FMNL2: variants seen among roughly 807,000 people sequenced by gnomAD.
The protein encoded by FMNL2 is formin like 2, also known as formin-like protein 2.
FMNL2 carries 51 observed loss-of-function variants against 130.2 expected under a neutral mutation model. The ratio of observed to expected loss-of-function variants is 0.39; its 90% CI spans 0.31 to 0.49. The LOEUF (loss-of-function observed/expected upper bound fraction) is 0.49, where lower values mean the gene tolerates loss of function less well. Among genes scored for constraint, FMNL2 ranks in the 20% least tolerant of loss-of-function variants. The pLI is 0.85. For synonymous variants in FMNL2, 465 were observed against 467.1 expected (o/e 1.00, Z 0.06); for missense variants, 977 against 1,316.2 (o/e 0.74, Z 3.99).
intron 1 of FMNL2, among the ~76,000 whole-genome samples, chr2:152,408,807 G>A (rs4664580): frequency 0.16 from 24,286 of 151,980 alleles, 2,498 homozygotes; most frequent in African/African-American, 0.26. Flanking sequence ...TACTGAAATT[G>A]AAAAAACAGA....
chr2:152,469,163 A>G (rs1326196244), intron 1 of FMNL2, among the ~76,000 whole-genome samples: 1 of 152,188 alleles, frequency 6.6e-6, no homozygotes, highest in Non-Finnish European at 1.5e-5. Flanking sequence ...AATTAAGCAT[A>G]TGAAGCCCTC....
chr2:152,616,979 G>GAACA, intron 12 of FMNL2, 112 bp from the exon 13 acceptor site: 1 of 805,890 alleles, frequency 1.2e-6, no homozygotes, highest in Non-Finnish European at 2.0e-6. Flanking sequence ...ACAACTTGCG[G>GAACA]AACACATGCA....
At chr2:152,580,549 G>A (rs1001997060) in intron 8 of FMNL2, among the ~76,000 whole-genome samples, 3 of 151,838 alleles carry the variant, frequency 2.0e-5, no homozygotes, top group Admixed American at 2.0e-4. Context: ...TTTTGCAAAT[G>A]TTCTCTCACT....
intron 9 of FMNL2, among the ~76,000 whole-genome samples, chr2:152,588,978 C>G (rs1697235561): frequency 6.6e-6 from 1 of 151,822 alleles, no homozygotes; most frequent in Non-Finnish European, 1.5e-5. Flanking sequence ...TTTCAGAAAT[C>G]TTACCATTCA....
intron 10 of FMNL2, among the ~76,000 whole-genome samples, chr2:152,607,904 T>C (rs1698463942): frequency 6.6e-6 from 1 of 152,132 alleles, no homozygotes; most frequent in African/African-American, 2.4e-5. Flanking sequence ...CTCCCTGATC[T>C]CTTTCCTGCT....
At chr2:152,351,306 A>T (rs1357997466) in intron 1 of FMNL2, among the ~76,000 whole-genome samples, 1 of 152,148 alleles carries the variant, frequency 6.6e-6, no homozygotes, top group East Asian at 1.9e-4. Flanking sequence ...TCTAGGTTTT[A>T]AGCCCTGCAT....
chr2:152,340,229 T>C (rs756420426), intron 1 of FMNL2, among the ~76,000 whole-genome samples: 14 of 152,184 alleles, frequency 9.2e-5, no homozygotes, highest in Non-Finnish European at 1.6e-4. Flanking sequence ...TATACAGTTA[T>C]TAAATAACCA....
chr2:152,450,986 C>G (rs1289272055), intron 1 of FMNL2, among the ~76,000 whole-genome samples: 1 of 152,212 alleles, frequency 6.6e-6, no homozygotes, highest in Non-Finnish European at 1.5e-5. Context: ...GTTGGCACAG[C>G]TCTACTTTTG....
At chr2:152,449,951 G>A (rs1688544508) in intron 1 of FMNL2, among the ~76,000 whole-genome samples, 1 of 151,840 alleles carries the variant, frequency 6.6e-6, no homozygotes, top group African/African-American at 2.4e-5. Flanking sequence ...AGATTTCAAG[G>A]AAAAAGGTCA....
intron 2 of FMNL2, among the ~76,000 whole-genome samples, chr2:152,532,376 G>A (rs970950153): frequency 1.3e-5 from 2 of 152,032 alleles, no homozygotes; most frequent in African/African-American, 4.8e-5. Context: ...ATTCCTACCA[G>A]CGATGTAATA....
At chr2:152,452,562 A>G (rs1435478975) in intron 1 of FMNL2, among the ~76,000 whole-genome samples, 1 of 151,972 alleles carries the variant, frequency 6.6e-6, no homozygotes, top group East Asian at 1.9e-4. Flanking sequence ...TCTTAAAAAC[A>G]CTCTTGTAAT....
At chr2:152,443,129 A>C (rs940560276) in intron 1 of FMNL2, among the ~76,000 whole-genome samples, 2 of 152,166 alleles carry the variant, frequency 1.3e-5, no homozygotes, top group Non-Finnish European at 2.9e-5. Flanking sequence ...TTGATTAGAG[A>C]CGAGAAACGA....
chr2:152,480,661 A>AAAG (rs1690463964), intron 1 of FMNL2, among the ~76,000 whole-genome samples: 2 of 138,246 alleles, frequency 1.4e-5, no homozygotes, highest in Non-Finnish European at 3.1e-5. Context: ...AAAAAAAAAA[A>AAAG]GTGAAAATCA....
intron 1 of FMNL2, among the ~76,000 whole-genome samples, chr2:152,502,342 A>G (rs182585508): frequency 2.4e-4 from 36 of 152,332 alleles, no homozygotes; most frequent in Non-Finnish European, 3.8e-4. Context: ...ATTTTTCACA[A>G]TGGTCTATGA....
rs114479961 is a variant in FMNL2, at chr2:152,551,664, T to G, written c.359+2567T>G. The stretch of plus-strand genomic sequence containing the variant: ...TTACTAAAATGAAGAATTCTTGGAA[T>G]GCAAGGTGCTATTTAAGGAAGCCAT... On this transcript the variant is annotated intron_variant, in intron 4 of 25. Coordinates refer to ENST00000288670, the MANE Select transcript of FMNL2 (RefSeq NM_052905.4). Among the ~76,000 whole-genome samples, 1,342 of 152,358 alleles carry G rather than the reference T, an allele frequency of 8.8e-3. 21 individuals carry two copies. The highest frequency in any genetic ancestry group is 0.03 in the African/African-American group (1,266 of 41,592).
intron 6 of FMNL2, among the ~76,000 whole-genome samples, chr2:152,573,704 T>C (rs938738155): frequency 6.6e-6 from 1 of 152,220 alleles, no homozygotes; most frequent in African/African-American, 2.4e-5. Flanking sequence ...TCTATTTTTA[T>C]ATAAACAAAT....
chr2:152,521,943 A>C lies in FMNL2; in HGVS notation c.118A>C (p.Asn40His), dbSNP rs1441937102. The change falls in exon 2 of 26, where the codon AAT becomes CAT. Residue 40 changes from asparagine to histidine, a missense_variant and splice_region_variant. By Grantham distance (68) the Asn-to-His change is moderately conservative. Transcript: ENST00000288670. ...ELEERFAIVL[N>H]AMNLPPDKAR... is the part of the protein sequence containing the mutation. The stretch of plus-strand genomic sequence containing the variant: ...TTCTCTCTTTATTTTTTTTAAACAG[A>C]ATGCTATGAACCTACCTCCTGACAA... 1.9e-6 allele frequency: 3 copies of C among 1,611,342 alleles called. No homozygotes were observed. The highest frequency in any genetic ancestry group is 2.5e-6 in the Non-Finnish European group (3 of 1,178,214).
At chr2:152,500,131 G>T (rs148697804) in intron 1 of FMNL2, among the ~76,000 whole-genome samples, 40 of 152,184 alleles carry the variant, frequency 2.6e-4, no homozygotes, top group African/African-American at 9.4e-4. Context: ...CAACTTGGGT[G>T]GGGGAATCTG....
At chr2:152,400,420 G>A (rs1685624727) in intron 1 of FMNL2, among the ~76,000 whole-genome samples, 2 of 151,878 alleles carry the variant, frequency 1.3e-5, no homozygotes, top group Admixed American at 1.3e-4. Flanking sequence ...CTGGGTGACA[G>A]AGCCAGACTC....
Sources: allele counts gnomAD v4.1 joint callset (sites outside exome capture counted in the v4.1 genomes callset), GRCh38; gene constraint gnomAD v4.1.1; transcripts MANE v1.5; gene names NCBI Gene and HGNC (gene_info 2026-07-23, HGNC 2026-07-21).